The following MEF2C variants were observed in gnomAD, a reference collection of about 807,000 sequenced individuals.
MEF2C encodes myocyte-specific enhancer factor 2C.
Under a neutral mutation model 50.5 loss-of-function variants are expected in MEF2C, and 6 were observed. The observed-to-expected ratio is 0.12, with a 90% confidence interval of 0.07 to 0.23. The LOEUF is 0.23. Among genes scored for constraint, MEF2C ranks in the 10% least tolerant of loss-of-function variants. The pLI is 1.00. For missense variants in MEF2C, 276 were observed against 605.0 expected (o/e 0.46, Z 5.70); for synonymous variants, 183 against 228.0 (o/e 0.80, Z 1.78).
intron 4 of MEF2C, among the ~76,000 whole-genome samples, chr5:88,756,316 C>T (rs572916034): frequency 2.5e-4 from 38 of 152,240 alleles, no homozygotes; most frequent in African/African-American, 8.4e-4. Flanking sequence ...TGCTACCTTC[C>T]CCCCTTTTGG....
chr5:88,799,078 G>C lies in MEF2C; in HGVS notation c.258+5520C>G, dbSNP rs569952320. On this transcript the variant is annotated intron_variant, in intron 3 of 10. Transcript: ENST00000504921. ...AGCTCTCTCGTATGAGGTGTCTGTC[G>C]ACCCCTGCTGGGAAGTGTCTCCTAG... 3.7e-4 allele frequency among the ~76,000 whole-genome samples: 56 copies of C among 152,260 alleles called. No homozygotes were observed. In the South Asian group the frequency reaches 8.3e-3, roughly 23 times the overall value.
chr5:88,874,047 T>C (rs1830369002), intron 1 of MEF2C, among the ~76,000 whole-genome samples: 1 of 151,874 alleles, frequency 6.6e-6, no homozygotes, highest in South Asian at 2.1e-4. Context: ...CCCAACAACT[T>C]AATAAGGCTC....
Position 88,853,330 on chromosome 5 carries a change from G to A in MEF2C, c.-142-29400C>T, listed in dbSNP as rs186599574. 5.9e-5 allele frequency among the ~76,000 whole-genome samples: 9 copies of A among 152,272 alleles called. No individual in the cohort carries two copies. The East Asian group carries it at 1.5e-3, about 26-fold the overall frequency. The stretch of plus-strand genomic sequence containing the variant: ...GATCTTCTAGGCTGGACTTGTATAC[G>A]TTTAAACAAGAGTTGATTACCAAAC... On this transcript the variant is annotated intron_variant, in intron 1 of 10. Coordinates refer to ENST00000504921, the MANE Select transcript of MEF2C (RefSeq NM_002397.5).
intron 6 of MEF2C, chr5:88,744,035 T>C (rs570835795): frequency 1.0e-4 from 97 of 974,148 alleles, no homozygotes; most frequent in Non-Finnish European, 1.2e-4. Flanking sequence ...TTTTCTCTTT[T>C]TTTGATCTCA....
At chr5:88,780,165 A>T (rs1357070173) in intron 3 of MEF2C, among the ~76,000 whole-genome samples, 1 of 152,040 alleles carries the variant, frequency 6.6e-6, no homozygotes, top group Non-Finnish European at 1.5e-5. Context: ...AAAGAAAAAG[A>T]AAAAAGAAAA....
intron 1 of MEF2C, among the ~76,000 whole-genome samples, chr5:88,901,950 T>G (rs1328740079): frequency 6.6e-6 from 1 of 151,898 alleles, no homozygotes; most frequent in Non-Finnish European, 1.5e-5. Flanking sequence ...GACAGAGTCA[T>G]AAACAATAGT....
intron 2 of MEF2C, among the ~76,000 whole-genome samples, chr5:88,811,696 A>G (rs1047162610): frequency 6.6e-6 from 1 of 152,120 alleles, no homozygotes; most frequent in Non-Finnish European, 1.5e-5. Flanking sequence ...ACGAGACACA[A>G]AAGACTGTAA....
intron 3 of MEF2C, among the ~76,000 whole-genome samples, chr5:88,793,499 C>A (rs1794721170): frequency 6.6e-6 from 1 of 151,974 alleles, no homozygotes; most frequent in Non-Finnish European, 1.5e-5. Context: ...GCATATAACA[C>A]AGAGCAGGAA....
intron 3 of MEF2C, chr5:88,771,510 G>C: frequency 1.0e-6 from 1 of 985,078 alleles, no homozygotes; most frequent in East Asian, 1.1e-4. Context: ...TTTATATGTG[G>C]TATGTTATAC....
chr5:88,740,485 AGAT>A, intron 6 of MEF2C: 1 of 983,972 alleles, frequency 1.0e-6, no homozygotes. Context: ...AGCTTTTGAC[AGAT>A]GAGGAAACTG....
chr5:88,742,342 G>GA, intron 6 of MEF2C: 10 of 984,740 alleles, frequency 1.0e-5, no homozygotes, highest in Non-Finnish European at 1.2e-5. Flanking sequence ...ACTGCTTTGA[G>GA]AAAAAAAGAC....
intron 3 of MEF2C, among the ~76,000 whole-genome samples, chr5:88,766,206 T>A (rs780375711): frequency 2.0e-5 from 3 of 152,154 alleles, no homozygotes; most frequent in Non-Finnish European, 4.4e-5. Context: ...GACAGGTGCT[T>A]CAAAAATTCT....
intron 3 of MEF2C, among the ~76,000 whole-genome samples, chr5:88,803,123 A>G (rs1488189972): frequency 6.6e-6 from 1 of 152,234 alleles, no homozygotes. Flanking sequence ...TGCAAATAAA[A>G]AACTATCTGA....
chr5:88,899,893 C>T (rs768904515), intron 1 of MEF2C, among the ~76,000 whole-genome samples: 2 of 152,114 alleles, frequency 1.3e-5, no homozygotes, highest in East Asian at 3.8e-4. Flanking sequence ...TGTTGTTAGT[C>T]ATAAAAATGT....
At chr5:88,731,654 G>T in intron 7 of MEF2C, 75 bp downstream of exon 7, 2 of 1,321,904 alleles carry the variant, frequency 1.5e-6, no homozygotes, top group Non-Finnish European at 1.1e-6. Flanking sequence ...AATTCATCAA[G>T]TTAGACAAAT....
At chr5:88,819,620 G>A (rs1200639441) in intron 2 of MEF2C, among the ~76,000 whole-genome samples, 1 of 151,932 alleles carries the variant, frequency 6.6e-6, no homozygotes, top group Non-Finnish European at 1.5e-5. Context: ...CAACCCTGAT[G>A]TAAATAAAGT....
At chr5:88,837,094 C>T (rs1815457997) in intron 1 of MEF2C, among the ~76,000 whole-genome samples, 1 of 149,972 alleles carries the variant, frequency 6.7e-6, no homozygotes. Context: ...TATTCTTCTA[C>T]ATGCTGAATG....
chr5:88,772,910 T>C (rs570414056), intron 3 of MEF2C: 1 of 985,460 alleles, frequency 1.0e-6, no homozygotes, highest in East Asian at 1.1e-4. Flanking sequence ...ATTGAGGGTT[T>C]TGCCTGAGCT....
At chr5:88,741,339 T>G (rs6884718) in intron 6 of MEF2C, 1 of 984,464 alleles carries the variant, frequency 1.0e-6, no homozygotes, top group Non-Finnish European at 1.2e-6. Flanking sequence ...TTGCATCAGT[T>G]ATCTCATTTA....
Sources: gnomAD v4.1 joint callset for allele counts (sites outside exome capture counted in the v4.1 genomes callset) on GRCh38, gnomAD v4.1.1 for gene constraint, MANE v1.5 for transcripts, NCBI Gene and HGNC (gene_info 2026-07-23, HGNC 2026-07-21) for gene names.